The following PNKD variants were observed in gnomAD, a reference collection of about 807,000 sequenced individuals.
The protein encoded by PNKD is probable thioesterase PNKD.
PNKD carries 36 observed loss-of-function variants against 45.3 expected under a neutral mutation model. The ratio of observed to expected loss-of-function variants is 0.80; its 90% CI spans 0.61 to 1.05. The LOEUF (loss-of-function observed/expected upper bound fraction) is 1.05. Ranked by LOEUF, PNKD falls within the 50% of genes least tolerant of loss-of-function variation. The pLI is 0.00. For synonymous variants in PNKD, 197 were observed against 210.1 expected (o/e 0.94, Z 0.54); for missense variants, 511 against 506.6 (o/e 1.01, Z -0.08).
At position 218,271,620 on chromosome 2, in the gene PNKD, C is replaced by G. The variant is rs550697882; in HGVS notation, c.236+71C>G. On this transcript the variant is annotated intron_variant, in intron 2 of 9. Coordinates refer to ENST00000273077, the MANE Select transcript of PNKD (RefSeq NM_015488.5). The stretch of plus-strand genomic sequence containing the variant: ...AGGGGAGGGCAGGACTTAGAAACTT[C>G]TCCAAGTTTCAGGTGGCGAGCTGAA... 5.0e-6 allele frequency: 7 copies of G among 1,389,206 alleles called. No homozygotes were observed. The East Asian group carries it at 1.4e-4, about 27-fold the overall frequency. The allele number at this position is 1,389,206 out of a possible 1,614,324, so 86.1% of individuals were successfully genotyped here. A position where few individuals can be genotyped will look rare whatever the true frequency, so the allele number is the denominator to read the frequency against.
At chr2:218,282,329 C>T in intron 2 of PNKD, 1 of 510,538 alleles carries the variant, frequency 2.0e-6, no homozygotes, top group Non-Finnish European at 3.4e-6. Flanking sequence ...GATTTGCTGT[C>T]CACAGGCCAC....
chr2:218,313,589 T>C (rs1383877511), intron 2 of PNKD, among the ~76,000 whole-genome samples: 2 of 152,210 alleles, frequency 1.3e-5, no homozygotes, highest in Non-Finnish European at 2.9e-5. Flanking sequence ...GCAAGATCTC[T>C]AGGTTGTTTG....
intron 2 of PNKD, among the ~76,000 whole-genome samples, chr2:218,309,364 A>T (rs1693526863): frequency 7.3e-6 from 1 of 137,736 alleles, no homozygotes; most frequent in Non-Finnish European, 1.5e-5. Context: ...GGTTGCAGTG[A>T]GCCAAGATTG....
intron 2 of PNKD, chr2:218,282,229 C>T: frequency 1.8e-6 from 2 of 1,133,188 alleles, no homozygotes; most frequent in Non-Finnish European, 2.4e-6. Context: ...AGGCCCAGCT[C>T]ACTCAGCCTC....
intron 2 of PNKD, chr2:218,323,492 T>A (rs1362256145): frequency 3.3e-6 from 2 of 602,044 alleles, no homozygotes; most frequent in Non-Finnish European, 4.2e-6. Context: ...GAGAGGGGAC[T>A]GGGAGGCGGG....
chr2:218,337,355 G>C (rs1694527596), intron 2 of PNKD, among the ~76,000 whole-genome samples: 1 of 152,208 alleles, frequency 6.6e-6, no homozygotes, highest in African/African-American at 2.4e-5. Flanking sequence ...TTACAGGCAT[G>C]AGCCACCGCG....
chr2:218,312,843 A>G (rs1470953126), intron 2 of PNKD, among the ~76,000 whole-genome samples: 2 of 152,128 alleles, frequency 1.3e-5, no homozygotes, highest in African/African-American at 4.8e-5. Flanking sequence ...ACTGCACTCC[A>G]GCCCGGGTGA....
chr2:218,296,792 C>T (rs1280443635), intron 2 of PNKD, among the ~76,000 whole-genome samples: 2 of 152,122 alleles, frequency 1.3e-5, no homozygotes, highest in East Asian at 3.8e-4. Context: ...GATTCTCCTG[C>T]TTGGCCTCCT....
At chr2:218,307,019 A>G (rs1422526770) in intron 2 of PNKD, among the ~76,000 whole-genome samples, 3 of 152,228 alleles carry the variant, frequency 2.0e-5, no homozygotes, top group Non-Finnish European at 4.4e-5. Flanking sequence ...AACATGCACA[A>G]AACAATGACA....
At position 218,275,561 on chromosome 2, in the gene PNKD, C is replaced by T. The variant is rs148573957; in HGVS notation, c.236+4012C>T. On this transcript the variant is annotated intron_variant, in intron 2 of 9. Coordinates refer to ENST00000273077, the MANE Select transcript of PNKD (RefSeq NM_015488.5). ...ATCTGCAGGGCGCCAGTGATGTAGT[C>T]CTCGGGGCTGATGGTGTGCTTCCGG... 2.5e-5 allele frequency: 41 copies of T among 1,613,878 alleles called. No homozygotes were observed. The African/African-American group carries it at 4.5e-4, about 18-fold the overall frequency.
intron 2 of PNKD, among the ~76,000 whole-genome samples, chr2:218,278,743 A>G (rs548765552): frequency 6.6e-6 from 1 of 152,338 alleles, no homozygotes; most frequent in Non-Finnish European, 1.5e-5. Context: ...CTGAAGCACC[A>G]GGCTCCGGCC....
intron 2 of PNKD, among the ~76,000 whole-genome samples, chr2:218,321,528 G>C (rs1693983249): frequency 6.6e-6 from 1 of 151,864 alleles, no homozygotes; most frequent in African/African-American, 2.4e-5. Flanking sequence ...CCCAGATTCA[G>C]GTATTGGAAT....
intron 2 of PNKD, chr2:218,278,386 C>T (rs1691475983): frequency 1.6e-5 from 15 of 966,850 alleles, no homozygotes; most frequent in South Asian, 1.4e-4. Context: ...TAGCTGTCAT[C>T]GTCATCCTCC....
At chr2:218,277,390 G>A (rs1691331584) in intron 2 of PNKD, 1 of 1,614,130 alleles carries the variant, frequency 6.2e-7, no homozygotes, top group African/African-American at 1.3e-5. Context: ...AGAAGATGGT[G>A]ACTGAAATGG....
At chr2:218,320,343 C>T (rs756003139) in intron 2 of PNKD, among the ~76,000 whole-genome samples, 2 of 152,182 alleles carry the variant, frequency 1.3e-5, no homozygotes, top group East Asian at 1.9e-4. Flanking sequence ...ATTAGCATAT[C>T]CATCACCTCA....
At chr2:218,332,794 G>A (rs1353311066) in intron 2 of PNKD, among the ~76,000 whole-genome samples, 3 of 152,072 alleles carry the variant, frequency 2.0e-5, no homozygotes. Flanking sequence ...CAGAAAGGGA[G>A]TCTGATCCTG....
intron 2 of PNKD, among the ~76,000 whole-genome samples, chr2:218,303,222 A>T (rs1390434625): frequency 6.6e-6 from 1 of 152,196 alleles, no homozygotes; most frequent in African/African-American, 2.4e-5. Context: ...CCTTGGGATT[A>T]CAGGTGTGAG....
intron 2 of PNKD, among the ~76,000 whole-genome samples, chr2:218,293,064 C>A (rs1293515522): frequency 5.3e-5 from 8 of 152,150 alleles, no homozygotes; most frequent in Admixed American, 4.6e-4. Context: ...CTTGATAATT[C>A]TGTGTTTTTG....
chr2:218,319,665 C>T (rs749174516), intron 2 of PNKD, among the ~76,000 whole-genome samples: 3 of 152,236 alleles, frequency 2.0e-5, no homozygotes, highest in Admixed American at 6.5e-5. Context: ...TGAGCCATCG[C>T]GCTCGGCCCC....
Sources: allele counts gnomAD v4.1 joint callset (sites outside exome capture counted in the v4.1 genomes callset), GRCh38; gene constraint gnomAD v4.1.1; transcripts MANE v1.5; gene names NCBI Gene and HGNC (gene_info 2026-07-23, HGNC 2026-07-21).